RAPGEF6: variants seen among roughly 807,000 people sequenced by gnomAD.
RAPGEF6 encodes the protein PDZ domain containing guanine nucleotide exchange factor (GEF) 2.
In RAPGEF6, 56 loss-of-function variants were observed where a neutral mutation model predicts 171.4. The ratio of observed to expected loss-of-function variants is 0.33; its 90% CI spans 0.26 to 0.41. RAPGEF6 has a LOEUF of 0.41. Ranked by LOEUF, RAPGEF6 falls within the 10% of genes least tolerant of loss-of-function variation. The probability of loss-of-function intolerance (pLI) is 1.00; values close to 1 mark genes in which losing one functional copy is unlikely to be tolerated. For missense variants in RAPGEF6, 1,674 were observed against 1,921.4 expected (o/e 0.87, Z 2.41); for synonymous variants, 692 against 650.1 (o/e 1.06, Z -0.98).
intron 6 of RAPGEF6, among the ~76,000 whole-genome samples, chr5:131,528,313 T>TATTATATATATATATATATA (rs1251388931): frequency 2.7e-4 from 13 of 48,828 alleles, no homozygotes; most frequent in Non-Finnish European, 2.7e-4. Flanking sequence ...TATATTTATA[T>TATTATATATATATATATATA]TATATATATA....
At chr5:131,570,908 C>T (rs1175109502) in intron 4 of RAPGEF6, among the ~76,000 whole-genome samples, 2 of 150,672 alleles carry the variant, frequency 1.3e-5, no homozygotes, top group South Asian at 2.1e-4. Flanking sequence ...ACTGAATGAA[C>T]GCTTCCAACT....
chr5:131,558,832 T>C (rs1038033384), intron 5 of RAPGEF6, among the ~76,000 whole-genome samples: 5 of 152,214 alleles, frequency 3.3e-5, no homozygotes, highest in African/African-American at 4.8e-5. Context: ...TACTGAAATT[T>C]TGAGACTTGC....
chr5:131,533,050 GGGA>G (rs1244583398), intron 6 of RAPGEF6: 1 of 152,492 alleles, frequency 6.6e-6, no homozygotes, highest in Non-Finnish European at 1.5e-5. Flanking sequence ...GAAAGAGAGT[GGGA>G]GGAGAATAGA....
At chr5:131,555,822 TTAACGA>T (rs1214460089) in intron 5 of RAPGEF6, among the ~76,000 whole-genome samples, 1 of 152,140 alleles carries the variant, frequency 6.6e-6, no homozygotes, top group Non-Finnish European at 1.5e-5. Flanking sequence ...CCATGTGCAC[TTAACGA>T]TAAGGATACG....
rs144698915 is a variant in RAPGEF6 at position 131,606,106 on chromosome 5, T to C, written c.70-1413A>G. Among the ~76,000 whole-genome samples, 478 of 150,970 alleles carry C rather than the reference T, an allele frequency of 3.2e-3. 3 individuals are homozygous for C. The highest frequency in any genetic ancestry group is 0.011 in the African/African-American group (455 of 40,862). Reference sequence around the variant, plus strand: ...AGCTGAGCACAGTGGCTCTCGCCTGTAATCCCAGCACTGTATGAGGCCAAG... The same window carrying C: ...AGCTGAGCACAGTGGCTCTCGCCTGCAATCCCAGCACTGTATGAGGCCAAG... On this transcript the variant is annotated intron_variant, in intron 1 of 27. Transcript: ENST00000509018.
intron 6 of RAPGEF6, among the ~76,000 whole-genome samples, chr5:131,544,691 A>AT (rs1561550323): frequency 1.3e-5 from 2 of 151,792 alleles, no homozygotes; most frequent in Admixed American, 1.3e-4. Context: ...TTTAAAAAAA[A>AT]TTTTTTTTTG....
chr5:131,525,662 GA>G (rs33959486), intron 6 of RAPGEF6, among the ~76,000 whole-genome samples: 113,357 of 149,920 alleles, frequency 0.76, 42,899 homozygotes, highest in Middle Eastern at 0.79. Flanking sequence ...ATTTAGATAT[GA>G]AAAAAAAAAA....
At chr5:131,582,968 G>A (rs1763052808) in intron 4 of RAPGEF6, among the ~76,000 whole-genome samples, 1 of 152,152 alleles carries the variant, frequency 6.6e-6, no homozygotes, top group Non-Finnish European at 1.5e-5. Context: ...ACATAAACAC[G>A]TACAAAATCT....
At chr5:131,584,242 T>G (rs1763121556) in intron 4 of RAPGEF6, among the ~76,000 whole-genome samples, 1 of 152,158 alleles carries the variant, frequency 6.6e-6, no homozygotes, top group Non-Finnish European at 1.5e-5. Context: ...CAAGTCAAAT[T>G]AATGGGATAA....
chr5:131,479,294 C>T (rs1478431375), intron 16 of RAPGEF6, among the ~76,000 whole-genome samples: 2 of 151,834 alleles, frequency 1.3e-5, no homozygotes, highest in East Asian at 3.9e-4. Flanking sequence ...CAGTCTTTCC[C>T]AAAATTCAAA....
chr5:131,577,238 G>A (rs181873383), intron 4 of RAPGEF6, among the ~76,000 whole-genome samples: 34 of 152,208 alleles, frequency 2.2e-4, no homozygotes, highest in Admixed American at 7.2e-4. Flanking sequence ...CCAGGCCTTC[G>A]GCATCCAGTG....
chr5:131,508,228 T>C (rs772498439), intron 8 of RAPGEF6, 21 bp from the exon 9 acceptor site: 105 of 1,597,518 alleles, frequency 6.6e-5, no homozygotes, highest in Non-Finnish European at 8.7e-5. Flanking sequence ...ACAGAAATTC[T>C]GGTATAAAGA....
chr5:131,619,336 G>A (rs190697930), intron 1 of RAPGEF6, among the ~76,000 whole-genome samples: 82 of 152,098 alleles, frequency 5.4e-4, no homozygotes, highest in Middle Eastern at 3.4e-3. Context: ...AGGGCGGGGG[G>A]GCATAGCATT....
rs1467345510 is a variant in RAPGEF6, at chr5:131,592,272, C to T, written c.281+111G>A. 15 of 1,464,476 alleles carry T rather than the reference C, an allele frequency of 1.0e-5. No homozygotes were observed. In the East Asian group the frequency reaches 3.6e-4, roughly 35 times the overall value. The allele number at this position is 1,464,476 out of a possible 1,614,324, so 90.7% of individuals were successfully genotyped here. On this transcript the variant is annotated intron_variant, in intron 4 of 27. Coordinates refer to ENST00000509018, the MANE Select transcript of RAPGEF6 (RefSeq NM_016340.6). ...TTCCTGCCAAGTATTTCCAATGGTG[C>T]CAACAAGCAAAGACATTTAAAAGAT...
At chr5:131,470,795 CA>C (rs1411412276) in intron 17 of RAPGEF6, among the ~76,000 whole-genome samples, 1 of 152,010 alleles carries the variant, frequency 6.6e-6, no homozygotes. Flanking sequence ...TCAGCACTGA[CA>C]AATAAAAAAG....
chr5:131,445,607 G>T (rs1752640911), intron 22 of RAPGEF6, among the ~76,000 whole-genome samples: 1 of 151,984 alleles, frequency 6.6e-6, no homozygotes, highest in South Asian at 2.1e-4. Context: ...TTGAGAGACT[G>T]AGTCTCACTT....
chr5:131,462,830 TA>T (rs1294047309), intron 18 of RAPGEF6, among the ~76,000 whole-genome samples: 23 of 152,248 alleles, frequency 1.5e-4, no homozygotes, highest in South Asian at 6.2e-4. Context: ...GATTTAAGCC[TA>T]AGTTTGTATC....
chr5:131,578,684 C>T (rs1329017046), intron 4 of RAPGEF6, among the ~76,000 whole-genome samples: 1 of 152,198 alleles, frequency 6.6e-6, no homozygotes. Context: ...TTCCACCGTC[C>T]AAATGTTCCT....
chr5:131,527,530 T>A (rs1397034325), intron 6 of RAPGEF6, among the ~76,000 whole-genome samples: 1 of 152,082 alleles, frequency 6.6e-6, no homozygotes, highest in Non-Finnish European at 1.5e-5. Context: ...GGGGAGCAAA[T>A]GTAAGGCTAC....
Sources: allele counts gnomAD v4.1 joint callset (sites outside exome capture counted in the v4.1 genomes callset), GRCh38; gene constraint gnomAD v4.1.1; transcripts MANE v1.5; gene names NCBI Gene and HGNC (gene_info 2026-07-23, HGNC 2026-07-21).